Variants in C9orf85 observed in about 807,000 individuals in gnomAD.
The protein encoded by C9orf85 is uncharacterized protein C9orf85.
C9orf85 carries 16 observed loss-of-function variants against 14.9 expected under a neutral mutation model. The observed-to-expected ratio is 1.08, with a 90% confidence interval of 0.73 to 1.63. The LOEUF (loss-of-function observed/expected upper bound fraction) is 1.63, where lower values mean the gene tolerates loss of function less well. C9orf85 is among the 40% of genes most tolerant of loss of function. C9orf85 has a pLI of 0.00. For synonymous variants in C9orf85, 45 were observed against 56.8 expected, an observed-to-expected ratio of 0.79 and a Z score of 0.93; for missense variants, 172 against 186.1, an observed-to-expected ratio of 0.92 and a Z score of 0.44.
At chr9:71,943,668 G>A (rs1452176426) in intron 1 of C9orf85, among the ~76,000 whole-genome samples, 1 of 151,706 alleles carries the variant, frequency 6.6e-6, no homozygotes, top group East Asian at 2.0e-4. Context: ...TCAGCCTCCA[G>A]CGTAGCTAGG....
At chr9:71,911,907 A>G (rs1827506065) in intron 1 of C9orf85, 71 bp downstream of exon 1, 4 of 1,390,526 alleles carry the variant, frequency 2.9e-6, no homozygotes, top group Admixed American at 1.7e-5. Context: ...GAGAGAGGAA[A>G]TGAGAGGAGT....
chr9:71,912,444 A>T (rs747438434), intron 1 of C9orf85, among the ~76,000 whole-genome samples: 20 of 152,150 alleles, frequency 1.3e-4, no homozygotes, highest in Non-Finnish European at 1.5e-4. Context: ...CTTGGGTTGT[A>T]TATAAGTACT....
chr9:71,946,669 T>C (rs1028468331), intron 1 of C9orf85, among the ~76,000 whole-genome samples: 2 of 151,962 alleles, frequency 1.3e-5, no homozygotes, highest in African/African-American at 4.8e-5. Context: ...GGCACGCGCC[T>C]GTAATCCCAG....
At chr9:71,964,589 C>A (rs1822635560) in intron 2 of C9orf85, among the ~76,000 whole-genome samples, 1 of 152,010 alleles carries the variant, frequency 6.6e-6, no homozygotes, top group Non-Finnish European at 1.5e-5. Context: ...ACGAACCCAC[C>A]AGAAGGAAGA....
At chr9:71,958,467 G>A (rs1309374842) in intron 2 of C9orf85, among the ~76,000 whole-genome samples, 2 of 151,702 alleles carry the variant, frequency 1.3e-5, no homozygotes, top group Non-Finnish European at 2.9e-5. Context: ...TCTACATGTT[G>A]GTCAGGCTGG....
At chr9:71,975,177 G>C (rs1175608042), downstream of C9orf85, among the ~76,000 whole-genome samples, 1 of 152,174 alleles carries the variant, frequency 6.6e-6, no homozygotes, top group Admixed American at 6.5e-5. Flanking sequence ...GGCTGGGTGA[G>C]TTGGCTCATG....
At chr9:71,976,389 A>G (rs1015078620), downstream of C9orf85, among the ~76,000 whole-genome samples, 1 of 152,144 alleles carries the variant, frequency 6.6e-6, no homozygotes, top group Non-Finnish European at 1.5e-5. Context: ...TTGGCCGGGC[A>G]CGGTGGCTCA....
intron 3 of C9orf85, 36 bp downstream of exon 3, chr9:71,971,654 A>G: frequency 7.6e-7 from 1 of 1,323,780 alleles, no homozygotes; most frequent in Non-Finnish European, 1.1e-6. Flanking sequence ...TTTTACTCTT[A>G]GTGATTGATA....
chr9:71,957,283 A>G (rs1199423272), intron 2 of C9orf85, among the ~76,000 whole-genome samples: 1 of 152,216 alleles, frequency 6.6e-6, no homozygotes. Context: ...GATGAAGTTC[A>G]TATCAGTTGT....
chr9:71,944,428 C>G (rs1822029166), intron 1 of C9orf85, among the ~76,000 whole-genome samples: 1 of 150,684 alleles, frequency 6.6e-6, no homozygotes, highest in African/African-American at 2.4e-5. Context: ...TTTTTTTCTT[C>G]ACAAATCTGG....
In C9orf85 at chr9:71,966,832, CT is replaced by C. The variant is rs372901215; in HGVS notation, c.210-4672del. ...CCCACAGGGCCTCTGGTAAATGTTT[CT>C]GTCAGACCTTTAAAGTTTTAGAGCT... On this transcript the variant is annotated intron_variant, in intron 2 of 3. Transcript: ENST00000334731. Among the ~76,000 whole-genome samples, 144 of 152,308 alleles carry C rather than the reference CT, an allele frequency of 9.5e-4. 1 individual carries two copies. Among genetic ancestry groups the C allele is most frequent in the African/African-American group, 3.4e-3 (140 of 41,568 alleles).
In C9orf85 at chr9:71,954,142, A is replaced by G. The variant is rs567681995; in HGVS notation, c.209+7030A>G. 1.4e-3 allele frequency among the ~76,000 whole-genome samples: 213 copies of G among 149,972 alleles called. 1 individual carries two copies. The highest frequency in any genetic ancestry group is 8.0e-4 in the Non-Finnish European group (54 of 67,676). On this transcript the variant is annotated intron_variant, in intron 2 of 3. Coordinates refer to ENST00000334731, the MANE Select transcript of C9orf85 (RefSeq NM_182505.5). ...AAAAAAAAAAAAAAGCGTATTTTACATAAGTTGAGTCAAGGGCTCCAGTGG... is the reference window on the plus strand; with the variant it reads ...AAAAAAAAAAAAAAGCGTATTTTACGTAAGTTGAGTCAAGGGCTCCAGTGG...
intron 3 of C9orf85, chr9:71,982,543 C>T (rs1452939064): frequency 8.6e-6 from 3 of 350,018 alleles, no homozygotes; most frequent in Non-Finnish European, 1.1e-5. Flanking sequence ...GCTCAAGATC[C>T]TCGCCAACAC....
intron 2 of C9orf85, among the ~76,000 whole-genome samples, chr9:71,970,456 G>T (rs1425304039): frequency 1.3e-5 from 2 of 151,962 alleles, no homozygotes; most frequent in Non-Finnish European, 2.9e-5. Flanking sequence ...GGCCAATTTT[G>T]TATTATTGTT....
intron 2 of C9orf85, among the ~76,000 whole-genome samples, chr9:71,965,124 A>G (rs1192570305): frequency 1.3e-5 from 2 of 152,180 alleles, no homozygotes; most frequent in East Asian, 1.9e-4. Context: ...GTAAGATTTA[A>G]TAGAGTAGAA....
chr9:71,938,013 T>C (rs1025796370), intron 1 of C9orf85, among the ~76,000 whole-genome samples: 3 of 152,124 alleles, frequency 2.0e-5, no homozygotes. Context: ...CCAGAACTCA[T>C]TTCAAAAGTA....
intron 2 of C9orf85, among the ~76,000 whole-genome samples, chr9:71,947,715 C>T (rs1444330300): frequency 6.6e-6 from 1 of 151,920 alleles, no homozygotes; most frequent in African/African-American, 2.4e-5. Context: ...GCAATTTCAG[C>T]TCACTGCAAC....
chr9:71,963,374 GCTGGCAGTC>G (rs2132341228), intron 2 of C9orf85, among the ~76,000 whole-genome samples: 1 of 152,194 alleles, frequency 6.6e-6, no homozygotes, highest in Non-Finnish European at 1.5e-5. Flanking sequence ...GTGACGGCGT[GCTGGCAGTC>G]CTCACAGCCC....
rs1382003762 is a variant in C9orf85 at position 71,916,131 on chromosome 9, A to G, written c.102+4295A>G. Among the ~76,000 whole-genome samples the G allele has an allele frequency of 2.0e-5, 3 of 152,226 alleles. No homozygotes were observed. The East Asian group carries it at 5.8e-4, about 29-fold the overall frequency. On this transcript the variant is annotated intron_variant, in intron 1 of 3. Transcript: ENST00000334731. ...TAATACTACAGCAGTAAGAGCTATG[A>G]AAGAACGGTCTAGGGAGCCCTGAGA...
Sources: allele counts gnomAD v4.1 joint callset (sites outside exome capture counted in the v4.1 genomes callset), GRCh38; gene constraint gnomAD v4.1.1; transcripts MANE v1.5; gene names NCBI Gene and HGNC (gene_info 2026-07-23, HGNC 2026-07-21).